PRKCA: variants seen among roughly 807,000 people sequenced by gnomAD.
The protein encoded by PRKCA is protein kinase C alpha type.
Under a neutral mutation model 87.0 loss-of-function variants are expected in PRKCA, and 27 were observed. The ratio of observed to expected loss-of-function variants is 0.31; its 90% CI spans 0.23 to 0.43. The LOEUF is 0.43. Among genes scored for constraint, PRKCA ranks in the 20% least tolerant of loss-of-function variants. The pLI is 1.00. For missense variants in PRKCA, 518 were observed against 852.3 expected, an observed-to-expected ratio of 0.61 and a Z score of 4.88; for synonymous variants, 329 against 311.1, an observed-to-expected ratio of 1.06 and a Z score of -0.61.
At chr17:66,452,428 A>C (rs536174962) in intron 2 of PRKCA, among the ~76,000 whole-genome samples, 1 of 152,334 alleles carries the variant, frequency 6.6e-6, no homozygotes, top group South Asian at 2.1e-4. Context: ...GGGAAGAAGC[A>C]GGGTGAGGAG....
intron 2 of PRKCA, among the ~76,000 whole-genome samples, chr17:66,334,826 A>T (rs961244383): frequency 1.3e-5 from 2 of 152,236 alleles, no homozygotes; most frequent in African/African-American, 4.8e-5. Context: ...AGCAGTATTC[A>T]TAATAGCTGA....
chr17:66,310,646 A>G (rs1905044814), intron 2 of PRKCA, among the ~76,000 whole-genome samples: 1 of 152,168 alleles, frequency 6.6e-6, no homozygotes. Flanking sequence ...TTCCTTCTGT[A>G]AGAATGAAAG....
intron 14 of PRKCA, among the ~76,000 whole-genome samples, chr17:66,784,627 A>G (rs1975332891): frequency 6.6e-6 from 1 of 152,232 alleles, no homozygotes; most frequent in Admixed American, 6.5e-5. Context: ...GAAAATGAGA[A>G]ATGTTATGGG....
chr17:66,532,304 C>T (rs149446223), intron 3 of PRKCA, among the ~76,000 whole-genome samples: 8 of 144,614 alleles, frequency 5.5e-5, no homozygotes, highest in Non-Finnish European at 1.2e-4. Context: ...CCCTCCCCCC[C>T]CACCCCCACC....
chr17:66,733,571 C>A (rs963618441), intron 9 of PRKCA, among the ~76,000 whole-genome samples: 5 of 152,276 alleles, frequency 3.3e-5, no homozygotes, highest in Admixed American at 3.3e-4. Flanking sequence ...GCAGGTGGAC[C>A]ACTTGAGGTC....
rs149398305 is a variant in PRKCA, at chr17:66,370,147, G to A, written c.205+64020G>A. Among the ~76,000 whole-genome samples the A allele has an allele frequency of 5.1e-3, 772 of 151,678 alleles. 8 individuals are homozygous for A. Among genetic ancestry groups the A allele is most frequent in the African/African-American group, 0.018 (734 of 41,354 alleles). On this transcript the variant is annotated intron_variant, in intron 2 of 16. Transcript: ENST00000413366. ...GGAAGCCTTCCTGACGGTAAGGACA[G>A]TCCTTCCACATCCCCTCAACCTCCA...
intron 2 of PRKCA, among the ~76,000 whole-genome samples, chr17:66,411,969 CTG>C (rs1247850538): frequency 6.7e-6 from 1 of 149,336 alleles, no homozygotes. Flanking sequence ...CCTCTGGACA[CTG>C]AGAGATCATT....
intron 2 of PRKCA, among the ~76,000 whole-genome samples, chr17:66,422,533 T>G (rs1771542238): frequency 6.6e-6 from 1 of 152,168 alleles, no homozygotes; most frequent in South Asian, 2.1e-4. Flanking sequence ...TTTCAAAATG[T>G]TCTAAAGGCC....
intron 16 of PRKCA, among the ~76,000 whole-genome samples, chr17:66,794,225 A>G (rs1396040232): frequency 2.0e-5 from 3 of 152,222 alleles, no homozygotes; most frequent in Admixed American, 6.5e-5. Flanking sequence ...AATTACTTTA[A>G]GTATTCTGTT....
chr17:66,768,262 G>A (rs984408489), intron 13 of PRKCA, among the ~76,000 whole-genome samples: 1 of 77,742 alleles, frequency 1.3e-5, no homozygotes, highest in Non-Finnish European at 2.8e-5. Flanking sequence ...TTTTTTTTTT[G>A]GGGGGGAGAG....
intron 3 of PRKCA, among the ~76,000 whole-genome samples, chr17:66,570,307 G>A (rs549888290): frequency 3.3e-5 from 5 of 152,282 alleles, no homozygotes; most frequent in African/African-American, 1.2e-4. Flanking sequence ...ATACACAGGC[G>A]AGATTATGTT....
intron 8 of PRKCA, among the ~76,000 whole-genome samples, chr17:66,713,722 G>A (rs1013869576): frequency 2.0e-5 from 3 of 152,140 alleles, no homozygotes; most frequent in African/African-American, 4.8e-5. Context: ...TGGCTTCCTT[G>A]GCTTGGTCAT....
At chr17:66,641,318 A>G (rs372070524) in intron 3 of PRKCA, 37 bp from the exon 4 acceptor site, 2 of 1,518,580 alleles carry the variant, frequency 1.3e-6, no homozygotes, top group Admixed American at 1.7e-5. Flanking sequence ...TGGTCCTTTC[A>G]TGACTAAAAT....
At chr17:66,657,625 A>G (rs544825553) in intron 5 of PRKCA, among the ~76,000 whole-genome samples, 1 of 152,288 alleles carries the variant, frequency 6.6e-6, no homozygotes, top group Admixed American at 6.5e-5. Context: ...TATGGCCCGC[A>G]CAGGTGGAAG....
chr17:66,724,158 T>C (rs1598898443), intron 8 of PRKCA, among the ~76,000 whole-genome samples: 1 of 152,282 alleles, frequency 6.6e-6, no homozygotes, highest in East Asian at 1.9e-4. Flanking sequence ...TAGCTGATGC[T>C]GCTGGTCCTA....
At chr17:66,781,378 T>C (rs753618566) in intron 14 of PRKCA, among the ~76,000 whole-genome samples, 1 of 152,262 alleles carries the variant, frequency 6.6e-6, no homozygotes, top group Middle Eastern at 3.4e-3. Flanking sequence ...AAGACTGTGA[T>C]GGCAGCTGCT....
At chr17:66,626,020 C>G (rs1294229632) in intron 3 of PRKCA, among the ~76,000 whole-genome samples, 1 of 152,214 alleles carries the variant, frequency 6.6e-6, no homozygotes, top group Non-Finnish European at 1.5e-5. Context: ...ACTCTGCCCC[C>G]AGCAGCATCC....
chr17:66,665,107 G>A (rs561867658), intron 5 of PRKCA, among the ~76,000 whole-genome samples: 2 of 152,232 alleles, frequency 1.3e-5, no homozygotes, highest in Admixed American at 6.5e-5. Context: ...ACACTGGAGG[G>A]TTTTTTCTGG....
intron 14 of PRKCA, among the ~76,000 whole-genome samples, chr17:66,781,893 T>TA (rs1568030811): frequency 3.6e-5 from 5 of 140,352 alleles, no homozygotes; most frequent in African/African-American, 8.3e-5. Context: ...ATATAGTGTG[T>TA]GTGTGTGTGT....
Sources: gnomAD v4.1 joint callset for allele counts (sites outside exome capture counted in the v4.1 genomes callset) on GRCh38, gnomAD v4.1.1 for gene constraint, MANE v1.5 for transcripts, NCBI Gene and HGNC (gene_info 2026-07-23, HGNC 2026-07-21) for gene names.